Variants in CACNA1C observed in about 807,000 individuals in gnomAD.
The protein encoded by CACNA1C is voltage-dependent L-type calcium channel subunit alpha-1C.
A neutral mutation model predicts 229.0 loss-of-function variants in CACNA1C; 30 were observed. That is an observed-to-expected ratio of 0.13 (90% CI 0.10 to 0.18). The LOEUF is 0.18. Ranked by LOEUF, CACNA1C falls within the 10% of genes least tolerant of loss-of-function variation. The pLI is 1.00. For missense variants in CACNA1C, 1,658 were observed against 2,845.0 expected (o/e 0.58, Z 9.49); for synonymous variants, 1,114 against 1,132.5 (o/e 0.98, Z 0.33).
intron 3 of CACNA1C, among the ~76,000 whole-genome samples, chr12:2,246,623 C>T (rs1032513901): frequency 1.3e-5 from 2 of 152,144 alleles, no homozygotes; most frequent in African/African-American, 4.8e-5. Flanking sequence ...GAGGGTAGGT[C>T]GTCAGGTCCC....
chr12:2,567,542 A>T, intron 12 of CACNA1C, 27 bp from the exon 13 acceptor site: 7 of 1,448,990 alleles, frequency 4.8e-6, no homozygotes, highest in Non-Finnish European at 6.7e-6. Flanking sequence ...CCCTGCTCGG[A>T]TCTCATCCCT....
At chr12:2,531,839 C>T (rs537375044) in intron 9 of CACNA1C, among the ~76,000 whole-genome samples, 21 of 152,278 alleles carry the variant, frequency 1.4e-4, no homozygotes, top group African/African-American at 4.6e-4. Flanking sequence ...CCTTCTCTCC[C>T]GTCATCCCCA....
chr12:2,076,660 A>G (rs1247487794), intron 1 of CACNA1C, among the ~76,000 whole-genome samples: 2 of 152,222 alleles, frequency 1.3e-5, no homozygotes, highest in Non-Finnish European at 2.9e-5. Flanking sequence ...TTCAGTCACA[A>G]AATTATTTGC....
chr12:1,993,845 A>C (rs1216139039), intron 1 of CACNA1C, among the ~76,000 whole-genome samples: 1 of 152,246 alleles, frequency 6.6e-6, no homozygotes, highest in Non-Finnish European at 1.5e-5. Flanking sequence ...ATTTTCATAG[A>C]AAATTTTAAG....
chr12:2,250,216 A>C (rs996606856), intron 3 of CACNA1C, among the ~76,000 whole-genome samples: 16 of 152,204 alleles, frequency 1.1e-4, no homozygotes, highest in African/African-American at 3.9e-4. Flanking sequence ...TGCGGAGTTC[A>C]TTTGTCTTCT....
intron 1 of CACNA1C, among the ~76,000 whole-genome samples, chr12:2,088,640 G>A (rs1476153763): frequency 1.3e-5 from 2 of 152,178 alleles, no homozygotes; most frequent in Admixed American, 6.5e-5. Context: ...TTAGAAAGAT[G>A]CTTTGCCTCA....
intron 4 of CACNA1C, among the ~76,000 whole-genome samples, chr12:2,453,051 G>A (rs187529219): frequency 1.3e-5 from 2 of 152,200 alleles, no homozygotes; most frequent in East Asian, 1.9e-4. Context: ...CTGCAGATAC[G>A]GCCTGGACAG....
intron 29 of CACNA1C, among the ~76,000 whole-genome samples, chr12:2,620,829 G>A (rs1425558574): frequency 1.3e-5 from 2 of 152,326 alleles, no homozygotes; most frequent in East Asian, 1.9e-4. Context: ...GCTGTTTCAT[G>A]TTCATCTCTG....
intron 3 of CACNA1C, among the ~76,000 whole-genome samples, chr12:2,339,739 C>T (rs1406546300): frequency 6.6e-6 from 1 of 152,154 alleles, no homozygotes; most frequent in African/African-American, 2.4e-5. Context: ...TTTTCAGCCT[C>T]ATTATAACCT....
At chr12:2,676,337 AC>A (rs986904251) in intron 39 of CACNA1C, 5 of 152,040 alleles carry the variant, frequency 3.3e-5, no homozygotes, top group African/African-American at 1.2e-4. Context: ...GAGAACCCTC[AC>A]CAGCCCCTAG....
chr12:2,184,030 C>T (rs1186937943), intron 3 of CACNA1C, among the ~76,000 whole-genome samples: 2 of 152,130 alleles, frequency 1.3e-5, no homozygotes, highest in East Asian at 1.9e-4. Flanking sequence ...TGCAATTGTT[C>T]CTAATTGGCC....
intron 3 of CACNA1C, among the ~76,000 whole-genome samples, chr12:2,146,727 T>G (rs1465809934): frequency 6.6e-6 from 1 of 151,358 alleles, no homozygotes; most frequent in African/African-American, 2.4e-5. Flanking sequence ...TACCTGCTGG[T>G]GGGCAGAGCG....
At chr12:2,373,471 G>A (rs941577332) in intron 3 of CACNA1C, among the ~76,000 whole-genome samples, 2 of 152,204 alleles carry the variant, frequency 1.3e-5, no homozygotes, top group Non-Finnish European at 1.5e-5. Context: ...ACTGAGGCCC[G>A]ACTGCCCTGA....
intron 1 of CACNA1C, among the ~76,000 whole-genome samples, chr12:2,033,094 G>A (rs376974767): frequency 6.6e-6 from 1 of 152,206 alleles, no homozygotes; most frequent in Non-Finnish European, 1.5e-5. Flanking sequence ...GTGCAGTGAT[G>A]TAGCTAACCC....
chr12:2,328,919 G>A (rs1248414592), intron 3 of CACNA1C, among the ~76,000 whole-genome samples: 1 of 152,192 alleles, frequency 6.6e-6, no homozygotes, highest in East Asian at 1.9e-4. Context: ...TCTCATCTGG[G>A]ACCAAGTGGA....
At position 2,467,191 on chromosome 12, in the gene CACNA1C, C is replaced by T. The variant is rs1354880174; in HGVS notation, c.757+9485C>T. On this transcript the variant is annotated intron_variant, in intron 5 of 46. Transcript: ENST00000399655. This position sits in a 1 kb window ranked among gnomAD's most constrained non-coding sequence, Gnocchi z 4.6. The stretch of plus-strand genomic sequence containing the variant: ...AGCCCTTTCCCTCCCACTTCTTTCA[C>T]TGCCACAGGAAGTACTCAAACCTTG... Among the ~76,000 whole-genome samples, 1 of 152,172 alleles carries T rather than the reference C, an allele frequency of 6.6e-6. No individual in the cohort carries two copies. Among genetic ancestry groups the T allele is most frequent in the African/African-American group, 2.4e-5 (1 of 41,438 alleles).
intron 3 of CACNA1C, among the ~76,000 whole-genome samples, chr12:2,370,780 T>C (rs971924303): frequency 6.6e-6 from 1 of 152,222 alleles, no homozygotes; most frequent in African/African-American, 2.4e-5. Flanking sequence ...ATTGCATTTA[T>C]GAAAAGGATC....
At chr12:2,565,231 G>A (rs2049837551) in intron 11 of CACNA1C, among the ~76,000 whole-genome samples, 1 of 152,002 alleles carries the variant, frequency 6.6e-6, no homozygotes, top group Non-Finnish European at 1.5e-5. Flanking sequence ...CACTTTGGGA[G>A]GCCGAGGCGG....
intron 1 of CACNA1C, among the ~76,000 whole-genome samples, chr12:2,047,559 C>G (rs916016347): frequency 6.6e-6 from 1 of 152,224 alleles, no homozygotes; most frequent in South Asian, 2.1e-4. Flanking sequence ...TGATACTCAC[C>G]AGGCATATTA....
Sources: allele counts gnomAD v4.1 joint callset (sites outside exome capture counted in the v4.1 genomes callset), GRCh38; gene constraint gnomAD v4.1.1; non-coding constraint Gnocchi (gnomAD v3.1); transcripts MANE v1.5; gene names NCBI Gene and HGNC (gene_info 2026-07-23, HGNC 2026-07-21).